Variants in ANKS3 observed in about 807,000 individuals in gnomAD.
ANKS3 encodes the protein ankyrin repeat and sterile alpha motif domain containing 3, also known as ankyrin repeat and SAM domain-containing protein 3.
ANKS3 carries 62 observed loss-of-function variants against 80.7 expected under a neutral mutation model. That is an observed-to-expected ratio of 0.77 (90% CI 0.63 to 0.95). The LOEUF is 0.95. Ranked by LOEUF, ANKS3 falls within the 40% of genes least tolerant of loss-of-function variation. The pLI, the probability that ANKS3 is intolerant of heterozygous loss-of-function variation, is 0.00. For missense variants in ANKS3, 1,150 were observed against 883.6 expected, an observed-to-expected ratio of 1.30 and a Z score of -3.82; for synonymous variants, 489 against 355.3, an observed-to-expected ratio of 1.38 and a Z score of -4.23.
chr16:4,701,580 T>C, intron 9 of ANKS3, 37 bp from the exon 10 acceptor site: 3 of 1,566,360 alleles, frequency 1.9e-6, no homozygotes, highest in Non-Finnish European at 1.7e-6. Context: ...CCTGCAGCCC[T>C]CACCGAGGTG....
Position 4,702,147 on chromosome 16 carries a change from TGGG to T in ANKS3, c.961_963del (p.Pro321del). ...CTGCTCTCCACATCCCGCTCATTGA[TGGG>T]GGAGGTGACATCCCGGCAGCAGAGG... On this transcript the variant is annotated inframe_deletion, in exon 9 of 18. Coordinates refer to ENST00000304283, the MANE Select transcript of ANKS3 (RefSeq NM_133450.4). The T allele has an allele frequency of 6.3e-7, 1 of 1,596,904 alleles. No homozygotes were observed. The highest frequency in any genetic ancestry group is 8.5e-7 in the Non-Finnish European group (1 of 1,172,264).
chr16:4,707,281 CTTTTTTTTTT>C (rs112926809), intron 7 of ANKS3, among the ~76,000 whole-genome samples: 11 of 135,940 alleles, frequency 8.1e-5, no homozygotes, highest in Admixed American at 6.0e-4. Flanking sequence ...CGGAAGGACA[CTTTTTTTTTT>C]TTTTTTTTGA....
Position 4,733,684 on chromosome 16 carries a change from A to G in ANKS3, c.-71+254T>C, listed in dbSNP as rs557277416. Among the ~76,000 whole-genome samples, 5 of 152,320 alleles carry G rather than the reference A, an allele frequency of 3.3e-5. No homozygotes were observed. The East Asian group carries it at 5.8e-4, about 18-fold the overall frequency. On this transcript the variant is annotated intron_variant, in intron 1 of 17. Transcript: ENST00000304283. Reference sequence around the variant, plus strand: ...GAAGGGATGGAGACCCCCATTTTACATGTGATTATTACGAACTGCATGCCT... The same window carrying G: ...GAAGGGATGGAGACCCCCATTTTACGTGTGATTATTACGAACTGCATGCCT...
At position 4,714,102 on chromosome 16, in the gene ANKS3, A is replaced by C. The variant is rs763922299; in HGVS notation, c.658T>G (p.Leu220Val). The stretch of plus-strand genomic sequence containing the variant: ...AGAGAGGGCGAGTAAGTGTCCATCA[A>C]GGCCACGATCTTCATGTGTCCGTAC... ...KQYGHMKIVA[L>V]MDTYSPSLPK... The change falls in exon 7 of 18, where the codon TTG (leucine) becomes GTG (valine). Residue 220 changes from leucine (L) to valine (V), a missense_variant. Coordinates refer to ENST00000304283, the MANE Select transcript of ANKS3 (RefSeq NM_133450.4). 2 of 1,614,134 alleles carry C rather than the reference A, an allele frequency of 1.2e-6. No individual in the cohort carries two copies. Among genetic ancestry groups the C allele is most frequent in the South Asian group, 1.1e-5 (1 of 91,068 alleles).
At chr16:4,706,964 G>A (rs776682926) in intron 7 of ANKS3, among the ~76,000 whole-genome samples, 21 of 152,162 alleles carry the variant, frequency 1.4e-4, no homozygotes, top group Non-Finnish European at 2.4e-4. Context: ...GGGCCACTCT[G>A]TCCTTCCCCA....
rs764399022 is a variant in ANKS3 at position 4,699,183 on chromosome 16, G to A, written c.1285-7C>T. Reference sequence around the variant, plus strand: ...CCAGCAGTGCGGCAAGGTCCTGGCAGGCACAGGGGACAGGTTGGGGGAGGT... The same window carrying A: ...CCAGCAGTGCGGCAAGGTCCTGGCAAGCACAGGGGACAGGTTGGGGGAGGT... On this transcript the variant is annotated splice_polypyrimidine_tract_variant and splice_region_variant and intron_variant, in intron 11 of 17. Transcript: ENST00000304283. The A allele has an allele frequency of 5.6e-6, 9 of 1,613,856 alleles. No individual in the cohort carries two copies. Among genetic ancestry groups the A allele is most frequent in the African/African-American group, 1.3e-5 (1 of 75,070 alleles).
rs564720137 is a variant in ANKS3 at position 4,704,718 on chromosome 16, C to T, written c.868+377G>A. The stretch of plus-strand genomic sequence containing the variant: ...GCCCCCAGCAGCGCACCCGACCCAG[C>T]TGGTATGGGCAGGGCAGGGAAGTGA... On this transcript the variant is annotated intron_variant, in intron 8 of 17. Transcript: ENST00000304283. Among the ~76,000 whole-genome samples, 4 of 152,360 alleles carry T rather than the reference C, an allele frequency of 2.6e-5. No homozygotes were observed. In the South Asian group the frequency reaches 8.3e-4, roughly 32 times the overall value.
intron 15 of ANKS3, 118 bp downstream of exon 15, chr16:4,697,859 G>C: frequency 1.0e-6 from 1 of 974,446 alleles, no homozygotes; most frequent in Non-Finnish European, 1.5e-6. Context: ...GTGCACACAG[G>C]GACCTGGGAG....
rs1394263989 is a variant in ANKS3, at chr16:4,714,169, C to T, written c.591G>A (p.Ala197=). 4.3e-6 allele frequency: 7 copies of T among 1,613,994 alleles called. No individual in the cohort carries two copies. The East Asian group carries it at 8.9e-5, about 21-fold the overall frequency. The change falls in exon 7 of 18, where the codon GCG becomes GCA. Residue 197 remains alanine (A), a synonymous_variant. Coordinates refer to ENST00000304283, the MANE Select transcript of ANKS3 (RefSeq NM_133450.4). ...YFLNHGVKVD[A]RDHSGATARM... ...GGGCTGTGGCTCCACTGTGGTCTCT[C>T]GCGTCCACCTTGACTCCCTGTGAAT...
At position 4,726,716 on chromosome 16, in the gene ANKS3, G is replaced by A. The variant is rs777113446; in HGVS notation, c.434C>T (p.Ala145Val). The stretch of plus-strand genomic sequence containing the variant: ...GAACCTGACCATGTGCTGGTGCCCG[G>A]CGCTGGTACAGTGGAAGAGGGCTGT... ...GWTALFHCTS[A>V]GHQHMVRFLL... The change falls in exon 5 of 18, where the codon GCC (alanine) becomes GTC (valine). Residue 145 changes from alanine (A) to valine (V), a missense_variant. Ala to Val is a moderately conservative substitution (Grantham distance 64). Coordinates refer to ENST00000304283, the MANE Select transcript of ANKS3 (RefSeq NM_133450.4). 1.2e-6 allele frequency: 2 copies of A among 1,614,226 alleles called. No homozygotes were observed. Among genetic ancestry groups the A allele is most frequent in the South Asian group, 1.1e-5 (1 of 91,086 alleles).
At chr16:4,702,393 G>A in intron 8 of ANKS3, 151 bp from the exon 9 acceptor site, 1 of 855,050 alleles carries the variant, frequency 1.2e-6, no homozygotes, top group South Asian at 2.9e-5. Context: ...TGGTGTGTGG[G>A]TGGAAAAGAT....
intron 7 of ANKS3, among the ~76,000 whole-genome samples, chr16:4,710,685 G>T (rs1038113598): frequency 2.6e-5 from 4 of 152,120 alleles, no homozygotes; most frequent in Non-Finnish European, 5.9e-5. Context: ...ACTCCAGCCT[G>T]GGTGACAAAG....
intron 7 of ANKS3, among the ~76,000 whole-genome samples, chr16:4,705,928 T>G (rs988238844): frequency 6.7e-6 from 1 of 149,982 alleles, no homozygotes; most frequent in African/African-American, 2.5e-5. Flanking sequence ...GGAAACAACT[T>G]TTTTTTTTTT....
chr16:4,698,092 G>C (rs1468623635), intron 14 of ANKS3, 30 bp from the exon 15 acceptor site: 15 of 1,576,186 alleles, frequency 9.5e-6, no homozygotes, highest in Admixed American at 3.7e-5. Flanking sequence ...ATATTGGTGA[G>C]AGCAGAGGCC....
chr16:4,721,346 T>A (rs2081083599), intron 6 of ANKS3, among the ~76,000 whole-genome samples: 1 of 145,038 alleles, frequency 6.9e-6, no homozygotes, highest in Admixed American at 6.9e-5. Flanking sequence ...CGTTGGCTCG[T>A]GCCTGTAATC....
chr16:4,701,166 C>T (rs376592108), intron 10 of ANKS3, 32 bp from the exon 11 acceptor site: 93 of 1,612,524 alleles, frequency 5.8e-5, no homozygotes, highest in South Asian at 4.9e-4. Context: ...TGAAAGAGTG[C>T]GCGGGCTAAC....
At chr16:4,715,304 A>G (rs1191533602) in intron 6 of ANKS3, among the ~76,000 whole-genome samples, 3 of 152,182 alleles carry the variant, frequency 2.0e-5, no homozygotes, top group African/African-American at 7.2e-5. Context: ...TATAATCAAT[A>G]CAGCATGTTT....
At position 4,698,842 on chromosome 16, in the gene ANKS3, C is replaced by A; in HGVS notation, c.1509G>T (p.Arg503=). The A allele has an allele frequency of 6.2e-7, 1 of 1,607,760 alleles. No individual in the cohort carries two copies. Among genetic ancestry groups the A allele is most frequent in the South Asian group, 1.1e-5 (1 of 90,148 alleles). ...GDALELAYAD[R]LEAEMQELAI... ...CGAGCTCCTGCATCTCAGCCTCCAG[C>A]CGGTCGGCGTAGGCCAGCTCCAGGG... Residue 503 remains arginine, a synonymous_variant, in exon 13 of 18, where the codon CGG becomes CGT. Transcript: ENST00000304283.
At chr16:4,707,886 G>T (rs1473117616) in intron 7 of ANKS3, among the ~76,000 whole-genome samples, 1 of 152,004 alleles carries the variant, frequency 6.6e-6, no homozygotes, top group African/African-American at 2.4e-5. Context: ...CGAGGTGGGC[G>T]GATCACTTGA....
Sources: allele counts gnomAD v4.1 joint callset (sites outside exome capture counted in the v4.1 genomes callset), GRCh38; gene constraint gnomAD v4.1.1; transcripts MANE v1.5; gene names NCBI Gene and HGNC (gene_info 2026-07-23, HGNC 2026-07-21).